UBE2R2: variants seen among roughly 807,000 people sequenced by gnomAD.
UBE2R2 encodes the protein ubiquitin-conjugating enzyme E2 R2.
UBE2R2 carries 1 observed loss-of-function variant against 27.8 expected under a neutral mutation model. That is an observed-to-expected ratio of 0.04 (90% CI 0.01 to 0.17). The LOEUF is 0.17. Among genes scored for constraint, UBE2R2 ranks in the 10% least tolerant of loss-of-function variants. UBE2R2 has a pLI of 1.00. For missense variants in UBE2R2, 100 were observed against 291.0 expected, an observed-to-expected ratio of 0.34 and a Z score of 4.78; for synonymous variants, 106 against 113.3, an observed-to-expected ratio of 0.94 and a Z score of 0.41.
chr9:33,879,393 T>C (rs193263228), intron 1 of UBE2R2, among the ~76,000 whole-genome samples: 44 of 152,310 alleles, frequency 2.9e-4, no homozygotes, highest in African/African-American at 9.9e-4. Flanking sequence ...GTGCATATCA[T>C]CTATTCTACA....
intron 4 of UBE2R2, 57 bp downstream of exon 4, chr9:33,912,155 C>A: frequency 1.4e-6 from 2 of 1,452,512 alleles, no homozygotes; most frequent in South Asian, 2.5e-5. Context: ...TATTCTGGAA[C>A]CAAGGGTTTA....
At chr9:33,832,302 C>A (rs1350699160) in intron 1 of UBE2R2, among the ~76,000 whole-genome samples, 1 of 110,926 alleles carries the variant, frequency 9.0e-6, no homozygotes, top group African/African-American at 3.3e-5. Context: ...GAGCGAAAAT[C>A]TATCTCAAAA....
intron 1 of UBE2R2, among the ~76,000 whole-genome samples, chr9:33,883,019 G>A (rs781363714): frequency 6.6e-6 from 1 of 152,094 alleles, no homozygotes; most frequent in Non-Finnish European, 1.5e-5. Context: ...AACCCAGGAA[G>A]TGGAAGTTGC....
chr9:33,880,020 G>T lies in UBE2R2; in HGVS notation c.178-6861G>T, dbSNP rs144604720. ...TCTACCTCAGCCTCCCAAGTAGCTG[G>T]GACCTCAGGGGTGCACCATCATGGC... On this transcript the variant is annotated intron_variant, in intron 1 of 4. Coordinates refer to ENST00000263228, the MANE Select transcript of UBE2R2 (RefSeq NM_017811.4). Among the ~76,000 whole-genome samples, 558 of 151,484 alleles carry T rather than the reference G, an allele frequency of 3.7e-3. 2 individuals carry two copies. The highest frequency in any genetic ancestry group is 6.8e-3 in the Middle Eastern group (2 of 294).
At chr9:33,873,080 CA>C (rs1296568316) in intron 1 of UBE2R2, among the ~76,000 whole-genome samples, 4 of 147,238 alleles carry the variant, frequency 2.7e-5, no homozygotes, top group Non-Finnish European at 5.9e-5. Flanking sequence ...GTGGGTGAGA[CA>C]GGAGAATTGC....
intron 1 of UBE2R2, among the ~76,000 whole-genome samples, chr9:33,849,452 C>CA (rs1190871900): frequency 5.9e-5 from 9 of 152,004 alleles, no homozygotes; most frequent in Admixed American, 5.9e-4. Flanking sequence ...TAATATCAAA[C>CA]AACCATTAGT....
chr9:33,832,159 T>G (rs1820503266), intron 1 of UBE2R2, among the ~76,000 whole-genome samples: 1 of 146,300 alleles, frequency 6.8e-6, no homozygotes, highest in South Asian at 2.2e-4. Context: ...AAATACAAAA[T>G]TAGGCAGGCG....
intron 2 of UBE2R2, among the ~76,000 whole-genome samples, chr9:33,899,764 C>T (rs367874637): frequency 2.0e-5 from 3 of 152,196 alleles, no homozygotes; most frequent in South Asian, 2.1e-4. Context: ...CTCCCAAGTG[C>T]TAGGATTACA....
chr9:33,876,097 C>CA (rs1472766724), intron 1 of UBE2R2, among the ~76,000 whole-genome samples: 2 of 152,122 alleles, frequency 1.3e-5, no homozygotes, highest in Non-Finnish European at 2.9e-5. Context: ...CATGGTGACT[C>CA]ACACCTGTAA....
chr9:33,899,004 C>G (rs766698450), intron 2 of UBE2R2, among the ~76,000 whole-genome samples: 2 of 152,068 alleles, frequency 1.3e-5, no homozygotes, highest in Non-Finnish European at 2.9e-5. Context: ...TCTAACCATA[C>G]CTTGAGGATG....
At chr9:33,877,823 G>GTCTGTCTCTCTCTCTCTCTCTCTC in intron 1 of UBE2R2, among the ~76,000 whole-genome samples, 1,506 of 130,886 alleles carry the variant, frequency 0.012, 20 homozygotes, top group South Asian at 0.022. Context: ...CTGTCTGTCT[G>GTCTGTCTCTCTCTCTCTCTCTCTC]TCTCTCTCTC....
intron 1 of UBE2R2, among the ~76,000 whole-genome samples, chr9:33,881,539 C>A (rs1401968612): frequency 6.6e-6 from 1 of 152,136 alleles, no homozygotes; most frequent in Non-Finnish European, 1.5e-5. Context: ...TTAGTTGTCC[C>A]GTCTTTTTAG....
At chr9:33,860,643 T>C (rs1821208827) in intron 1 of UBE2R2, among the ~76,000 whole-genome samples, 1 of 152,156 alleles carries the variant, frequency 6.6e-6, no homozygotes, top group African/African-American at 2.4e-5. Context: ...TTCACACCTG[T>C]AATCCCACCA....
chr9:33,910,136 T>A (rs1045983811), intron 3 of UBE2R2, among the ~76,000 whole-genome samples: 3 of 152,056 alleles, frequency 2.0e-5, no homozygotes, highest in African/African-American at 7.2e-5. Flanking sequence ...TGGAGCCTAT[T>A]ACGCTTTTAT....
At chr9:33,821,279 A>G (rs1469769204) in intron 1 of UBE2R2, among the ~76,000 whole-genome samples, 1 of 152,122 alleles carries the variant, frequency 6.6e-6, no homozygotes, top group East Asian at 1.9e-4. Flanking sequence ...CAGCCCCCTG[A>G]GTAGCTGGGA....
chr9:33,820,847 A>T (rs901579509), intron 1 of UBE2R2, among the ~76,000 whole-genome samples: 7 of 152,268 alleles, frequency 4.6e-5, no homozygotes, highest in Non-Finnish European at 5.9e-5. Flanking sequence ...CTTGTCTCTT[A>T]CCCACAGGAT....
chr9:33,889,324 G>A (rs1447923355), intron 2 of UBE2R2, among the ~76,000 whole-genome samples: 1 of 152,172 alleles, frequency 6.6e-6, no homozygotes, highest in African/African-American at 2.4e-5. Context: ...CTGTTTTGTT[G>A]CATCTTTATG....
At chr9:33,891,682 C>T (rs1030965349) in intron 2 of UBE2R2, among the ~76,000 whole-genome samples, 18 of 152,078 alleles carry the variant, frequency 1.2e-4, no homozygotes, top group African/African-American at 4.1e-4. Flanking sequence ...AAAAGACAAG[C>T]GCTTTGGTCA....
chr9:33,830,597 G>A lies in UBE2R2; in HGVS notation c.177+12663G>A, dbSNP rs185180550. On this transcript the variant is annotated intron_variant, in intron 1 of 4. Coordinates refer to ENST00000263228, the MANE Select transcript of UBE2R2 (RefSeq NM_017811.4). ...GCCTGACCAACATCGTGAAACCCCC[G>A]TCTCTACTGAAAATACAAAAATTAG... Among the ~76,000 whole-genome samples, 16 of 151,352 alleles carry A rather than the reference G, an allele frequency of 1.1e-4. No individual in the cohort carries two copies. In the East Asian group the frequency reaches 2.4e-3, roughly 22 times the overall value.
Sources: allele counts gnomAD v4.1 joint callset (sites outside exome capture counted in the v4.1 genomes callset), GRCh38; gene constraint gnomAD v4.1.1; transcripts MANE v1.5; gene names NCBI Gene and HGNC (gene_info 2026-07-23, HGNC 2026-07-21).